NRXN3: variants seen among roughly 807,000 people sequenced by gnomAD.
NRXN3 encodes the protein neurexin 3.
Under a neutral mutation model 137.6 loss-of-function variants are expected in NRXN3, and 32 were observed. That is an observed-to-expected ratio of 0.23 (90% CI 0.18 to 0.31). NRXN3 has a LOEUF of 0.31. Among genes scored for constraint, NRXN3 ranks in the 10% least tolerant of loss-of-function variants. The probability of loss-of-function intolerance (pLI) is 1.00; values close to 1 mark genes in which losing one functional copy is unlikely to be tolerated. For synonymous variants in NRXN3, 798 were observed against 784.5 expected (o/e 1.02, Z -0.29); for missense variants, 1,574 against 2,062.5 (o/e 0.76, Z 4.59).
intron 16 of NRXN3, among the ~76,000 whole-genome samples, chr14:79,589,715 A>T (rs549862283): frequency 6.6e-6 from 1 of 152,200 alleles, no homozygotes; most frequent in South Asian, 2.1e-4. Context: ...AATGCAATTC[A>T]ATTTAAATTT....
At chr14:79,093,292 G>C in intron 15 of NRXN3, among the ~76,000 whole-genome samples, 1 of 152,102 alleles carries the variant, frequency 6.6e-6, no homozygotes, top group South Asian at 2.1e-4. Context: ...GCCAGGTGTG[G>C]GGACTTAAAG....
chr14:78,809,935 G>A lies in NRXN3; in HGVS notation c.2249-383G>A, dbSNP rs59113498. ...GAATATAACCTGCATTTGGTGGGGG[G>A]AATTATTGCCTATTTTTCCAAGTTT... On this transcript the variant is annotated intron_variant, in intron 9 of 20. Transcript: ENST00000335750. 9.9e-3 allele frequency among the ~76,000 whole-genome samples: 1,500 copies of A among 151,498 alleles called. 20 individuals carry two copies. The highest frequency in any genetic ancestry group is 0.035 in the African/African-American group (1,432 of 41,224).
At chr14:79,592,541 G>A (rs937579631) in intron 16 of NRXN3, among the ~76,000 whole-genome samples, 4 of 152,010 alleles carry the variant, frequency 2.6e-5, no homozygotes, top group African/African-American at 9.7e-5. Flanking sequence ...AATGTTATAT[G>A]TTAATGGTCA....
chr14:79,031,490 G>A (rs1454893275), intron 15 of NRXN3, among the ~76,000 whole-genome samples: 1 of 152,104 alleles, frequency 6.6e-6, no homozygotes, highest in Admixed American at 6.6e-5. Flanking sequence ...TATTTGCAAA[G>A]TACCTGACTT....
chr14:78,762,423 T>G (rs946704589), intron 8 of NRXN3, among the ~76,000 whole-genome samples: 1 of 152,208 alleles, frequency 6.6e-6, no homozygotes, highest in Admixed American at 6.5e-5. Flanking sequence ...CAGCGGGGAC[T>G]TTGCCTCTCA....
At chr14:78,661,230 TTAAG>T (rs2097838976) in intron 6 of NRXN3, among the ~76,000 whole-genome samples, 1 of 152,178 alleles carries the variant, frequency 6.6e-6, no homozygotes, top group Admixed American at 6.5e-5. Flanking sequence ...CCATCACTAA[TTAAG>T]AGCACTAAGA....
At chr14:78,289,265 G>A (rs1431187593) in intron 3 of NRXN3, among the ~76,000 whole-genome samples, 1 of 152,160 alleles carries the variant, frequency 6.6e-6, no homozygotes, top group East Asian at 1.9e-4. Context: ...GCTTTGTATA[G>A]CTTGGCTGTA....
At chr14:79,663,275 T>TACAC (rs577843183) in intron 16 of NRXN3, among the ~76,000 whole-genome samples, 1 of 151,776 alleles carries the variant, frequency 6.6e-6, no homozygotes, top group African/African-American at 2.4e-5. Context: ...TATATTTATA[T>TACAC]ACACACACAC....
At position 79,861,085 on chromosome 14, in the gene NRXN3, C is replaced by T; in HGVS notation, c.4094-257C>T. 1 of 1,425,826 alleles carries T rather than the reference C, an allele frequency of 7.0e-7. No individual in the cohort carries two copies. Among genetic ancestry groups the T allele is most frequent in the Non-Finnish European group, 9.2e-7 (1 of 1,092,658 alleles). 88.3% of individuals were successfully genotyped at this position (1,425,826 alleles called of 1,614,324 possible). A position where few individuals can be genotyped will look rare whatever the true frequency, so the allele number is the denominator to read the frequency against. On this transcript the variant is annotated intron_variant, in intron 20 of 20. Transcript: ENST00000335750. This position sits in a 1 kb window ranked among gnomAD's most constrained non-coding sequence, Gnocchi z 5.4. ...TTCTTGTAGAAGACCCTTTAGCTAC[C>T]CCTCCTATTGCTACTCGTGCACCTT...
intron 8 of NRXN3, among the ~76,000 whole-genome samples, chr14:78,748,767 A>G (rs2098626781): frequency 6.6e-6 from 1 of 152,206 alleles, no homozygotes; most frequent in South Asian, 2.1e-4. Flanking sequence ...TGTTCATAGG[A>G]GATTTAATCT....
At chr14:79,365,825 G>C (rs1435035824) in intron 15 of NRXN3, among the ~76,000 whole-genome samples, 1 of 150,048 alleles carries the variant, frequency 6.7e-6, no homozygotes, top group Non-Finnish European at 1.5e-5. Flanking sequence ...TGAATATATA[G>C]TTTTGTTTTT....
At chr14:78,209,994 A>G (rs983471974) in intron 1 of NRXN3, among the ~76,000 whole-genome samples, 7 of 152,192 alleles carry the variant, frequency 4.6e-5, no homozygotes, top group Non-Finnish European at 8.8e-5. Flanking sequence ...TAATCTGTTT[A>G]CACTGATGTG....
chr14:79,279,510 C>T (rs185229259), intron 15 of NRXN3: 18 of 986,342 alleles, frequency 1.8e-5, no homozygotes, highest in African/African-American at 1.4e-4. Flanking sequence ...CTCCCTCCAC[C>T]CCGTGCCACG....
intron 15 of NRXN3, among the ~76,000 whole-genome samples, chr14:79,108,190 A>G (rs2052808005): frequency 6.6e-6 from 1 of 152,180 alleles, no homozygotes; most frequent in Non-Finnish European, 1.5e-5. Context: ...TTAGAAGACA[A>G]TGTAAGGTAG....
At chr14:78,811,627 CA>C (rs2098913544) in intron 10 of NRXN3, among the ~76,000 whole-genome samples, 1 of 152,130 alleles carries the variant, frequency 6.6e-6, no homozygotes, top group Non-Finnish European at 1.5e-5. Context: ...CCAACTTTTA[CA>C]TTTGGTTTAC....
rs74064160 is a variant in NRXN3, at chr14:78,627,255, G to C, written c.758-17865G>C. The stretch of plus-strand genomic sequence containing the variant: ...TTGTTTTTCCCTAGACTTGAGCACA[G>C]TGGGAAAGGTCAGCTGTCAGAAGAG... On this transcript the variant is annotated intron_variant, in intron 4 of 20. Coordinates refer to ENST00000335750, the MANE Select transcript of NRXN3 (RefSeq NM_001330195.2). Among the ~76,000 whole-genome samples the C allele has an allele frequency of 2.3e-3, 354 of 152,204 alleles. 2 individuals carry two copies. The highest frequency in any genetic ancestry group is 8.3e-3 in the African/African-American group (344 of 41,520).
rs565164563 is a variant in NRXN3 at position 78,920,017 on chromosome 14, A to G, written c.2276-37225A>G. Among the ~76,000 whole-genome samples the G allele has an allele frequency of 9.8e-5, 15 of 152,356 alleles. No individual in the cohort carries two copies. In the East Asian group the frequency reaches 2.9e-3, roughly 29 times the overall value. ...CTACACTAAAAAGATGAAATAAAGA[A>G]GTTGAAATTTTCTTTATCAATTAGG... On this transcript the variant is annotated intron_variant, in intron 10 of 20. Coordinates refer to ENST00000335750, the MANE Select transcript of NRXN3 (RefSeq NM_001330195.2).
At chr14:79,125,532 A>G (rs149792062) in intron 15 of NRXN3, among the ~76,000 whole-genome samples, 1 of 152,316 alleles carries the variant, frequency 6.6e-6, no homozygotes, top group African/African-American at 2.4e-5. Context: ...GTGCATAGGT[A>G]AGCACCTGCT....
chr14:79,044,753 C>T (rs2099630419), intron 15 of NRXN3, among the ~76,000 whole-genome samples: 1 of 151,696 alleles, frequency 6.6e-6, no homozygotes, highest in African/African-American at 2.4e-5. Flanking sequence ...CAACCTGCAT[C>T]GTCTAATAAG....
Sources: gnomAD v4.1 joint callset for allele counts (sites outside exome capture counted in the v4.1 genomes callset) on GRCh38, gnomAD v4.1.1 for gene constraint, Gnocchi (gnomAD v3.1) non-coding constraint, MANE v1.5 for transcripts, NCBI Gene and HGNC (gene_info 2026-07-23, HGNC 2026-07-21) for gene names.